The following TM7SF3 variants were observed in gnomAD, a reference collection of about 807,000 sequenced individuals.
TM7SF3 encodes transmembrane 7 superfamily member 3.
TM7SF3 carries 60 observed loss-of-function variants against 65.5 expected under a neutral mutation model. That is an observed-to-expected ratio of 0.92 (90% CI 0.74 to 1.14). The LOEUF (loss-of-function observed/expected upper bound fraction) is 1.14. TM7SF3 is among the 50% of genes most tolerant of loss of function. The pLI, the probability that TM7SF3 is intolerant of heterozygous loss-of-function variation, is 0.00. For missense variants in TM7SF3, 623 were observed against 684.8 expected, an observed-to-expected ratio of 0.91 and a Z score of 1.01; for synonymous variants, 264 against 259.6, an observed-to-expected ratio of 1.02 and a Z score of -0.16.
intron 6 of TM7SF3, among the ~76,000 whole-genome samples, chr12:26,986,897 A>T (rs1332123510): frequency 6.6e-6 from 1 of 151,872 alleles, no homozygotes; most frequent in Non-Finnish European, 1.5e-5. Context: ...AAAGTTGATT[A>T]CTCTCTCTTC....
chr12:26,979,020 A>T (rs1939690756), intron 9 of TM7SF3: 1 of 152,224 alleles, frequency 6.6e-6, no homozygotes, highest in Non-Finnish European at 1.5e-5. Flanking sequence ...TTAGAAAAAA[A>T]AAGTCTTCAG....
Position 26,999,601 on chromosome 12 carries a change from A to C in TM7SF3, c.322T>G (p.Cys108Gly). The C allele has an allele frequency of 1.2e-6, 2 of 1,614,068 alleles. No homozygotes were observed. Among genetic ancestry groups the C allele is most frequent in the South Asian group, 1.1e-5 (1 of 91,080 alleles). ...CCTGAAGTCCCCAAGTACCAAGTGC[A>C]TGTACTCTGCTCTGGTCTAAGGATG... ...VFILRPEQST[C>G]TWYLGTSGIQ... The change falls in exon 3 of 12, where the codon TGC (cysteine) becomes GGC (glycine). Residue 108 changes from cysteine to glycine, a missense_variant. Transcript: ENST00000343028.
At chr12:26,994,821 A>C (rs1592296260) in intron 5 of TM7SF3, among the ~76,000 whole-genome samples, 2 of 152,352 alleles carry the variant, frequency 1.3e-5, no homozygotes, top group East Asian at 3.9e-4. Flanking sequence ...TTTTACTCCA[A>C]GTTAGACTTT....
Position 26,979,832 on chromosome 12 carries a change from G to C in TM7SF3, c.1141C>G (p.Leu381Val), listed in dbSNP as rs1939733811. 4 of 1,614,136 alleles carry C rather than the reference G, an allele frequency of 2.5e-6. No individual in the cohort carries two copies. The highest frequency in any genetic ancestry group is 1.6e-4 in the Middle Eastern group (1 of 6,062). ...GACGAGATGAGGAACCCCAGCACTA[G>C]TCCAACACAGAGCATGCAGATCGAG... ...ILSICMLCVGLVLGFLISSVT... is the reference protein window; with the variant it reads ...ILSICMLCVGVVLGFLISSVT... The change falls in exon 9 of 12, where the codon CTA becomes GTA. Residue 381 changes from leucine (L) to valine (V), a missense_variant. Leu to Val is a conservative substitution (Grantham distance 32). Coordinates refer to ENST00000343028, the MANE Select transcript of TM7SF3 (RefSeq NM_016551.3).
chr12:26,991,938 C>T (rs781035348), intron 5 of TM7SF3, among the ~76,000 whole-genome samples: 1 of 152,106 alleles, frequency 6.6e-6, no homozygotes, highest in East Asian at 1.9e-4. Flanking sequence ...GCTTGTGAAT[C>T]GCAGGGGGCA....
chr12:27,014,113 G>C lies in TM7SF3; in HGVS notation c.56C>G (p.Ala19Gly). ...ATTCCCGAAGACCTCGGCTGCACCA[G>C]CCACCCGGTGTTCGGATGCCAGCAC... is the stretch of plus-strand genomic sequence containing the variant. The part of the protein sequence containing the change: ...VAVLASEHRV[A>G]GAAEVFGNSS... The change falls in exon 1 of 12, where the codon GCT becomes GGT. Residue 19 changes from alanine (A) to glycine (G), a missense_variant. Coordinates refer to ENST00000343028, the MANE Select transcript of TM7SF3 (RefSeq NM_016551.3). The C allele has an allele frequency of 6.4e-7, 1 of 1,572,912 alleles. No homozygotes were observed. Among genetic ancestry groups the C allele is most frequent in the Non-Finnish European group, 8.6e-7 (1 of 1,159,140 alleles).
intron 3 of TM7SF3, among the ~76,000 whole-genome samples, chr12:26,997,518 C>T (rs748959015): frequency 1.3e-5 from 2 of 152,168 alleles, no homozygotes; most frequent in Non-Finnish European, 2.9e-5. Context: ...TTGACGCAAG[C>T]CTTAATTAAG....
At chr12:26,995,757 T>C (rs1200426852) in intron 4 of TM7SF3, among the ~76,000 whole-genome samples, 2 of 152,198 alleles carry the variant, frequency 1.3e-5, no homozygotes, top group African/African-American at 2.4e-5. Flanking sequence ...CTTTCTGTCA[T>C]GTGTGGACAC....
chr12:26,992,380 G>A (rs549187274), intron 5 of TM7SF3, among the ~76,000 whole-genome samples: 1 of 152,084 alleles, frequency 6.6e-6, no homozygotes, highest in African/African-American at 2.4e-5. Flanking sequence ...CCAGGTTCAC[G>A]CCATTCTCCT....
intron 1 of TM7SF3, among the ~76,000 whole-genome samples, chr12:27,008,613 C>T (rs1941131083): frequency 6.6e-6 from 1 of 152,284 alleles, no homozygotes; most frequent in Admixed American, 6.5e-5. Flanking sequence ...CATGAAGATA[C>T]ATTCCCATGT....
intron 1 of TM7SF3, among the ~76,000 whole-genome samples, chr12:27,005,877 T>C (rs1017581168): frequency 2.0e-5 from 3 of 152,060 alleles, no homozygotes; most frequent in Admixed American, 1.3e-4. Flanking sequence ...CTTAGCTCAC[T>C]GAAATTTCCA....
At chr12:26,979,170 G>T (rs1156328327) in intron 9 of TM7SF3, 2 of 152,208 alleles carry the variant, frequency 1.3e-5, no homozygotes, top group African/African-American at 4.8e-5. Context: ...TCACAGAAAG[G>T]AAACAACCAA....
At position 27,006,146 on chromosome 12, in the gene TM7SF3, T is replaced by C. The variant is rs12299996; in HGVS notation, c.92-2756A>G. Among the ~76,000 whole-genome samples the C allele has an allele frequency of 7.7e-3, 1,136 of 146,886 alleles. 15 individuals are homozygous for C. Among genetic ancestry groups the C allele is most frequent in the African/African-American group, 0.026 (1,026 of 39,722 alleles). ...TGTCCTTCTTTTTCTTTTTCTTTTT[T>C]TTTTTTTTTTTGAGACAGAGTCTTG... On this transcript the variant is annotated intron_variant, in intron 1 of 11. Transcript: ENST00000343028.
chr12:27,003,806 G>A (rs143715743), intron 1 of TM7SF3, among the ~76,000 whole-genome samples: 36 of 152,320 alleles, frequency 2.4e-4, no homozygotes, highest in African/African-American at 7.7e-4. Flanking sequence ...TGAAGTCAGC[G>A]TAGCCCGAAG....
intron 1 of TM7SF3, among the ~76,000 whole-genome samples, chr12:27,009,083 T>C (rs1431988362): frequency 6.6e-6 from 1 of 152,210 alleles, no homozygotes; most frequent in Non-Finnish European, 1.5e-5. Flanking sequence ...CAAGTGAACA[T>C]ATGTGTTTGC....
intron 6 of TM7SF3, among the ~76,000 whole-genome samples, chr12:26,986,321 C>T (rs1177585358): frequency 6.6e-6 from 1 of 152,106 alleles, no homozygotes; most frequent in Non-Finnish European, 1.5e-5. Flanking sequence ...GTCTGACCAC[C>T]CTGGTCTGTC....
At chr12:26,994,286 T>C (rs1445554702) in intron 5 of TM7SF3, among the ~76,000 whole-genome samples, 1 of 152,212 alleles carries the variant, frequency 6.6e-6, no homozygotes, top group Admixed American at 6.5e-5. Flanking sequence ...ATATATTATA[T>C]TGCTGTTAGG....
At chr12:26,995,129 C>G in intron 5 of TM7SF3, 108 bp downstream of exon 5, 1 of 1,166,050 alleles carries the variant, frequency 8.6e-7, no homozygotes, top group Non-Finnish European at 1.2e-6. Context: ...GAGTGTCCCC[C>G]AAAAAGGAGA....
In TM7SF3 at chr12:26,973,421, C is replaced by T. The variant is rs1329665000; in HGVS notation, c.*544G>A. The T allele has an allele frequency of 6.6e-6, 1 of 152,360 alleles. No individual in the cohort carries two copies. Among genetic ancestry groups the T allele is most frequent in the Admixed American group, 6.5e-5 (1 of 15,284 alleles). The allele number at this position is 152,360 out of a possible 1,614,324, so 9.4% of individuals were successfully genotyped here. A position where few individuals can be genotyped will look rare whatever the true frequency, so the allele number is the denominator to read the frequency against. ...AACTCCTGGGCTCAAGCGATACTCC[C>T]ACCTTGGCTTCCCAGTATTGGGATT... On this transcript the variant is annotated 3_prime_UTR_variant, in exon 12 of 12. Coordinates refer to ENST00000343028, the MANE Select transcript of TM7SF3 (RefSeq NM_016551.3).
Sources: gnomAD v4.1 joint callset for allele counts (sites outside exome capture counted in the v4.1 genomes callset) on GRCh38, gnomAD v4.1.1 for gene constraint, MANE v1.5 for transcripts, NCBI Gene and HGNC (gene_info 2026-07-23, HGNC 2026-07-21) for gene names.